Variants in CDHR1 observed in about 807,000 individuals in gnomAD.
CDHR1 encodes the protein cadherin related family member 1.
A neutral mutation model predicts 72.1 loss-of-function variants in CDHR1; 61 were observed. The observed-to-expected ratio is 0.85, with a 90% confidence interval of 0.69 to 1.05. The LOEUF is 1.05. Ranked by LOEUF, CDHR1 falls within the 50% of genes least tolerant of loss-of-function variation. The probability of loss-of-function intolerance (pLI) is 0.00; values close to 1 mark genes in which losing one functional copy is unlikely to be tolerated. For synonymous variants in CDHR1, 470 were observed against 448.1 expected (o/e 1.05, Z -0.62); for missense variants, 1,186 against 1,115.7 (o/e 1.06, Z -0.90).
At chr10:84,212,118 T>C (rs1490418040) in intron 14 of CDHR1, 61 bp from the exon 15 acceptor site, 1 of 1,377,174 alleles carries the variant, frequency 7.3e-7, no homozygotes. Context: ...TGCAGGCATG[T>C]GTATGTATGC....
chr10:84,216,633 T>TGG lies in CDHR1; in HGVS notation c.*2013_*2014dup. 1 of 985,500 alleles carries TGG rather than the reference T, an allele frequency of 1.0e-6. No individual in the cohort carries two copies. Among genetic ancestry groups the TGG allele is most frequent in the Non-Finnish European group, 1.2e-6 (1 of 829,954 alleles). 61.0% of individuals were successfully genotyped at this position (985,500 alleles called of 1,614,324 possible). On this transcript the variant is annotated 3_prime_UTR_variant, in exon 17 of 17. Transcript: ENST00000623527. ...CTTGCCTCCTGGCTGCTTCAGCAGG[T>TGG]GGATCCATTCTTCGACCCCCAGATG...
intron 11 of CDHR1, 55 bp from the exon 12 acceptor site, chr10:84,208,674 T>G (rs888484354): frequency 6.5e-7 from 1 of 1,542,584 alleles, no homozygotes; most frequent in Non-Finnish European, 9.0e-7. Flanking sequence ...TATAGTATGA[T>G]TATGAATTTC....
chr10:84,201,891 C>G lies in CDHR1; in HGVS notation c.610C>G (p.Arg204Gly), dbSNP rs781263335. 5 of 1,607,518 alleles carry G rather than the reference C, an allele frequency of 3.1e-6. No individual in the cohort carries two copies. The highest frequency in any genetic ancestry group is 4.2e-6 in the Non-Finnish European group (5 of 1,179,902). ...AGATLDYERS[R>G]THYITVVAKD... ...GGCCACTCTGGACTACGAGAGGTCC[C>G]GGACCCACTACATCACCGTGGTCGC... The change falls in exon 7 of 17, where the codon CGG (arginine) becomes GGG (glycine). Residue 204 changes from arginine to glycine, a missense_variant. Coordinates refer to ENST00000623527, the MANE Select transcript of CDHR1 (RefSeq NM_033100.4).
rs201505995 is a variant in CDHR1, at chr10:84,204,567, G to C, written c.824G>C (p.Arg275Pro). The change falls in exon 9 of 17, where the codon CGG (arginine) becomes CCG (proline). Residue 275 changes from arginine to proline, a missense_variant. By Grantham distance (103) the Arg-to-Pro change is moderately radical (BLOSUM62 -2). Coordinates refer to ENST00000623527, the MANE Select transcript of CDHR1 (RefSeq NM_033100.4). The part of the protein sequence containing the change: ...VLKVVAMDGD[R>P]GKPNRILYSL... ...AAGGTGGTCGCCATGGATGGAGACC[G>C]GGGCAAACCCAATCGAATTCTCTAC... 1.4e-5 allele frequency: 23 copies of C among 1,613,716 alleles called. No individual in the cohort carries two copies. Among genetic ancestry groups the C allele is most frequent in the Non-Finnish European group, 1.9e-5 (23 of 1,179,678 alleles).
At position 84,194,609 on chromosome 10, in the gene CDHR1, C is replaced by T. The variant is rs923296722; in HGVS notation, c.-152C>T. The T allele has an allele frequency of 3.4e-5, 18 of 528,978 alleles. No homozygotes were observed. Among genetic ancestry groups the T allele is most frequent in the Non-Finnish European group, 5.3e-5 (17 of 320,236 alleles). 32.8% of individuals were successfully genotyped at this position (528,978 alleles called of 1,614,324 possible). A position where few individuals can be genotyped will look rare whatever the true frequency, so the allele number is the denominator to read the frequency against. On this transcript the variant is annotated 5_prime_UTR_variant, in exon 1 of 17. Coordinates refer to ENST00000623527, the MANE Select transcript of CDHR1 (RefSeq NM_033100.4). Reference sequence around the variant, plus strand: ...TCATCCTCTTAGCGCCCTCACGCCACCCGCCGCTCCCGCCCCGTGCCCCCT... The same window carrying T: ...TCATCCTCTTAGCGCCCTCACGCCATCCGCCGCTCCCGCCCCGTGCCCCCT...
intron 3 of CDHR1, 23 bp downstream of exon 3, chr10:84,196,673 C>T: frequency 6.2e-7 from 1 of 1,613,966 alleles, no homozygotes. Flanking sequence ...GTGGGGAGTG[C>T]TGCGGGGCCA....
chr10:84,213,659 G>A (rs10887256), intron 16 of CDHR1, among the ~76,000 whole-genome samples: 2 of 151,926 alleles, frequency 1.3e-5, no homozygotes, highest in African/African-American at 4.8e-5. Context: ...TCTCAGCTCA[G>A]TGTCTGGCAG....
At position 84,196,665 on chromosome 10, in the gene CDHR1, G is replaced by A; in HGVS notation, c.297+15G>A. 1 of 1,614,118 alleles carries A rather than the reference G, an allele frequency of 6.2e-7. No homozygotes were observed. The highest frequency in any genetic ancestry group is 1.1e-5 in the South Asian group (1 of 91,070). ...TGGACAGAGAGGTATGGGGAGGTGT[G>A]GGGAGTGCTGCGGGGCCACTGCCTG... On this transcript the variant is annotated intron_variant, in intron 3 of 16. Coordinates refer to ENST00000623527, the MANE Select transcript of CDHR1 (RefSeq NM_033100.4).
chr10:84,206,087 G>GCCT, intron 10 of CDHR1, among the ~76,000 whole-genome samples, 160 bp downstream of exon 10: 1 of 152,098 alleles, frequency 6.6e-6, no homozygotes. Context: ...CACAAACAGG[G>GCCT]AGTCACAGAA....
Position 84,216,242 on chromosome 10 carries a change from C to A in CDHR1, c.*1621C>A, listed in dbSNP as rs1842424582. The A allele has an allele frequency of 2.8e-5, 28 of 985,502 alleles. No individual in the cohort carries two copies. Among genetic ancestry groups the A allele is most frequent in the Non-Finnish European group, 2.8e-5 (23 of 829,972 alleles). 61.0% of individuals were successfully genotyped at this position (985,502 alleles called of 1,614,324 possible). ...TTAAAGAGATTGTATGCATTTGTGGCTTTCCTGATTTCTGAGTCTGTGTTT... is the reference window on the plus strand; with the variant it reads ...TTAAAGAGATTGTATGCATTTGTGGATTTCCTGATTTCTGAGTCTGTGTTT... On this transcript the variant is annotated 3_prime_UTR_variant, in exon 17 of 17. Transcript: ENST00000623527.
Position 84,211,648 on chromosome 10 carries a change from G to A in CDHR1, c.1486G>A (p.Ala496Thr). ...CCACCCAGGGCTCTTTCTCTTCCAG[G>A]CTGTGGATCCAGATACAGGACCCTG... ...PGGSSVVAVT[A>T]VDPDTGPWGE... The change falls in exon 14 of 17, where the codon GCT becomes ACT. Residue 496 changes from alanine to threonine, a missense_variant and splice_region_variant. Ala to Thr is a moderately conservative substitution (Grantham distance 58). Transcript: ENST00000623527. The A allele has an allele frequency of 1.2e-6, 2 of 1,614,086 alleles. No homozygotes were observed. The highest frequency in any genetic ancestry group is 1.7e-6 in the Non-Finnish European group (2 of 1,179,938).
rs1489590977 is a variant in CDHR1, at chr10:84,217,451, C to T, written c.*2830C>T. ...AACAAAGTCCTTTACAGTTTGACAG[C>T]CCTAGGTCTGAATTCTGGTTCTGCC... On this transcript the variant is annotated 3_prime_UTR_variant, in exon 17 of 17. Coordinates refer to ENST00000623527, the MANE Select transcript of CDHR1 (RefSeq NM_033100.4). The T allele has an allele frequency of 2.0e-6, 2 of 983,852 alleles. No individual in the cohort carries two copies. Among genetic ancestry groups the T allele is most frequent in the Non-Finnish European group, 2.4e-6 (2 of 828,594 alleles). The allele number at this position is 983,852 out of a possible 1,614,324, so 60.9% of individuals were successfully genotyped here.
In CDHR1 at chr10:84,211,538, C is replaced by CA. The variant is rs1842331569; in HGVS notation, c.1486-107dup. The CA allele has an allele frequency of 5.0e-6, 5 of 1,003,648 alleles. No homozygotes were observed. In the East Asian group the frequency reaches 1.2e-4, roughly 24 times the overall value. The allele number at this position is 1,003,648 out of a possible 1,614,324, so 62.2% of individuals were successfully genotyped here. On this transcript the variant is annotated intron_variant, in intron 13 of 16. Coordinates refer to ENST00000623527, the MANE Select transcript of CDHR1 (RefSeq NM_033100.4). ...CTCCACCAATTTCTCCCCAGTTGGG[C>CA]AAACCCCAAATCCCCTTGCTTTGTG...
At chr10:84,210,927 G>C in intron 12 of CDHR1, 74 bp from the exon 13 acceptor site, 1 of 1,493,298 alleles carries the variant, frequency 6.7e-7, no homozygotes, top group Non-Finnish European at 9.3e-7. Flanking sequence ...ATCAGTCCTG[G>C]GGAGATGAGG....
intron 6 of CDHR1, among the ~76,000 whole-genome samples, chr10:84,201,361 C>T (rs143953388): frequency 7.4e-4 from 113 of 152,316 alleles, no homozygotes; most frequent in Non-Finnish European, 1.5e-3. Flanking sequence ...CCCTCTCCCC[C>T]GATGCCAGGC....
intron 3 of CDHR1, 55 bp downstream of exon 3, chr10:84,196,705 T>C: frequency 6.2e-7 from 1 of 1,602,996 alleles, no homozygotes; most frequent in Middle Eastern, 1.7e-4. Context: ...CAGACCTCGG[T>C]GGGCTGAAGT....
Position 84,218,235 on chromosome 10 carries a change from G to A in CDHR1, c.*3614G>A. The A allele has an allele frequency of 1.0e-6, 1 of 985,422 alleles. No homozygotes were observed. Among genetic ancestry groups the A allele is most frequent in the Non-Finnish European group, 1.2e-6 (1 of 829,932 alleles). 61.0% of individuals were successfully genotyped at this position (985,422 alleles called of 1,614,324 possible). ...AAACTCACAAACAACCTAGGGAGGG[G>A]TTCTCTGAAGGGCCTAGTTTCCAGA... On this transcript the variant is annotated 3_prime_UTR_variant, in exon 17 of 17. Coordinates refer to ENST00000623527, the MANE Select transcript of CDHR1 (RefSeq NM_033100.4).
In CDHR1 at chr10:84,216,419, G is replaced by T; in HGVS notation, c.*1798G>T. On this transcript the variant is annotated 3_prime_UTR_variant, in exon 17 of 17. Transcript: ENST00000623527. ...CTTTCCAGCCTGTGTTTCAGGAGAG[G>T]ACTGTGCTGGATCATGCTTGCCCTC... 1 of 985,506 alleles carries T rather than the reference G, an allele frequency of 1.0e-6. No individual in the cohort carries two copies. Among genetic ancestry groups the T allele is most frequent in the Non-Finnish European group, 1.2e-6 (1 of 829,962 alleles). The allele number at this position is 985,506 out of a possible 1,614,324, so 61.0% of individuals were successfully genotyped here.
intron 2 of CDHR1, 27 bp downstream of exon 2, chr10:84,195,616 A>G (rs182831487): frequency 4.5e-4 from 714 of 1,586,136 alleles, no homozygotes; most frequent in Middle Eastern, 1.0e-3. Flanking sequence ...CCTGCTCCCG[A>G]TAGGTCTCCC....
Sources: allele counts gnomAD v4.1 joint callset (sites outside exome capture counted in the v4.1 genomes callset), GRCh38; gene constraint gnomAD v4.1.1; transcripts MANE v1.5; gene names NCBI Gene and HGNC (gene_info 2026-07-23, HGNC 2026-07-21).